Variants in SFMBT2 observed in about 807,000 individuals in gnomAD.
SFMBT2 encodes scm-like with four MBT domains protein 2.
SFMBT2 carries 38 observed loss-of-function variants against 110.1 expected under a neutral mutation model. The ratio of observed to expected loss-of-function variants is 0.35; its 90% CI spans 0.27 to 0.45. The LOEUF (loss-of-function observed/expected upper bound fraction) is 0.45. Ranked by LOEUF, SFMBT2 falls within the 20% of genes least tolerant of loss-of-function variation. The pLI is 1.00. For synonymous variants in SFMBT2, 425 were observed against 425.4 expected (o/e 1.00, Z 0.01); for missense variants, 1,011 against 1,094.9 (o/e 0.92, Z 1.08).
In SFMBT2 at chr10:7,248,571, T is replaced by A; in HGVS notation, c.949A>T (p.Ile317Phe). The change falls in exon 8 of 21, where the codon ATC becomes TTC. Residue 317 changes from isoleucine to phenylalanine, a missense_variant. Around this residue, in one of 2 missense-constraint regions of SFMBT2, gnomAD observed 979 missense variants for 1,016.1 expected, o/e 0.96. Transcript: ENST00000397167. ...ETVNMCEPFY[I>F]SPASVTKVFN... ...ACCTTAGTCACCGACGCAGGAGAGA[T>A]GTAAAAGGGCTCGCACATATTCACT... 6.2e-7 allele frequency: 1 copy of A among 1,614,076 alleles called. No homozygotes were observed. Among genetic ancestry groups the A allele is most frequent in the Non-Finnish European group, 8.5e-7 (1 of 1,179,968 alleles).
At chr10:7,318,947 C>T (rs536825539) in intron 4 of SFMBT2, among the ~76,000 whole-genome samples, 7 of 152,270 alleles carry the variant, frequency 4.6e-5, no homozygotes, top group African/African-American at 1.7e-4. Context: ...CAGAGAGTGC[C>T]GCCTGTACAA....
chr10:7,233,034 TTCTC>T (rs1053496735), intron 9 of SFMBT2, among the ~76,000 whole-genome samples: 13 of 152,050 alleles, frequency 8.5e-5, no homozygotes, highest in Non-Finnish European at 1.2e-4. Context: ...CAGAAAAAAA[TTCTC>T]TCTCTAACAA....
At chr10:7,284,386 A>G (rs1842031154) in intron 5 of SFMBT2, 1 of 1,264,156 alleles carries the variant, frequency 7.9e-7, no homozygotes. Flanking sequence ...ACAAGTCAAT[A>G]GAAAATAACA....
chr10:7,172,736 G>A lies in SFMBT2; in HGVS notation c.1985-75C>T. 6 of 1,476,470 alleles carry A rather than the reference G, an allele frequency of 4.1e-6. No individual in the cohort carries two copies. The allele number at this position is 1,476,470 out of a possible 1,614,324, so 91.5% of individuals were successfully genotyped here. On this transcript the variant is annotated intron_variant, in intron 17 of 20. Transcript: ENST00000397167. This position sits in a 1 kb window ranked among gnomAD's most constrained non-coding sequence, Gnocchi z 4.6. ...CATGAACAGAGAGAGGAGAGAGAAA[G>A]AAGGGAAACGATTCTTTCATCTGAT...
At chr10:7,271,925 C>A (rs1311781021) in intron 7 of SFMBT2, among the ~76,000 whole-genome samples, 1 of 152,192 alleles carries the variant, frequency 6.6e-6, no homozygotes, top group East Asian at 1.9e-4. Context: ...TTATTTCCCA[C>A]CGGGTCCCTC....
chr10:7,233,159 T>C (rs985600404), intron 9 of SFMBT2, among the ~76,000 whole-genome samples: 1 of 152,204 alleles, frequency 6.6e-6, no homozygotes, highest in Non-Finnish European at 1.5e-5. Context: ...GTTTGCTATC[T>C]ACCTGGCTGG....
At chr10:7,320,838 G>A (rs1843163094) in intron 4 of SFMBT2, among the ~76,000 whole-genome samples, 2 of 152,128 alleles carry the variant, frequency 1.3e-5, no homozygotes, top group Non-Finnish European at 1.5e-5. Flanking sequence ...TACTGACTCT[G>A]TAGCTCTAAA....
intron 11 of SFMBT2, chr10:7,206,352 A>G: frequency 1.0e-6 from 1 of 985,462 alleles, no homozygotes; most frequent in Non-Finnish European, 1.2e-6. Flanking sequence ...CCCACATCTA[A>G]GCCTTCATGA....
At chr10:7,200,307 A>T in intron 14 of SFMBT2, 107 bp downstream of exon 14, 1 of 849,390 alleles carries the variant, frequency 1.2e-6, no homozygotes, top group Non-Finnish European at 1.7e-6. Flanking sequence ...AAAACAGAAT[A>T]GGCTCAACGT....
chr10:7,290,919 G>C (rs774766080), intron 4 of SFMBT2, among the ~76,000 whole-genome samples: 1 of 152,184 alleles, frequency 6.6e-6, no homozygotes, highest in Non-Finnish European at 1.5e-5. Context: ...TTCAGAATTT[G>C]GGAAAATACC....
At chr10:7,281,802 T>C (rs1178113372) in intron 6 of SFMBT2, among the ~76,000 whole-genome samples, 1 of 152,198 alleles carries the variant, frequency 6.6e-6, no homozygotes, top group Non-Finnish European at 1.5e-5. Context: ...GATTTAAATA[T>C]CGGGGAAGTA....
intron 4 of SFMBT2, among the ~76,000 whole-genome samples, chr10:7,331,584 C>T (rs953024054): frequency 2.0e-5 from 3 of 152,178 alleles, no homozygotes; most frequent in African/African-American, 7.2e-5. Flanking sequence ...CCCACCACTG[C>T]CGCCCTGTCC....
Position 7,171,744 on chromosome 10 carries a change from A to G in SFMBT2, c.2415+151T>C. ...CCCCTCCACCCAGAGGTGAAGTGCC[A>G]GCCTTTGTTCCTGACTTGGGAACTA... On this transcript the variant is annotated intron_variant, in intron 19 of 20. Coordinates refer to ENST00000397167, the MANE Select transcript of SFMBT2 (RefSeq NM_001387889.1). This position sits in a 1 kb window ranked among gnomAD's most constrained non-coding sequence, Gnocchi z 4.9. 1.0e-6 allele frequency: 1 copy of G among 982,858 alleles called. No homozygotes were observed. Among genetic ancestry groups the G allele is most frequent in the Non-Finnish European group, 1.3e-6 (1 of 744,728 alleles). The allele number at this position is 982,858 out of a possible 1,614,324, so 60.9% of individuals were successfully genotyped here.
chr10:7,205,343 G>C, intron 12 of SFMBT2: 1 of 930,836 alleles, frequency 1.1e-6, no homozygotes, highest in Non-Finnish European at 1.3e-6. Context: ...CTCCTGCCTT[G>C]GCCTCCCAAA....
intron 4 of SFMBT2, among the ~76,000 whole-genome samples, chr10:7,310,048 C>T (rs1467653751): frequency 6.6e-6 from 1 of 152,190 alleles, no homozygotes; most frequent in Non-Finnish European, 1.5e-5. Flanking sequence ...GCCAATAATA[C>T]TGCCTCCAGT....
intron 4 of SFMBT2, among the ~76,000 whole-genome samples, chr10:7,333,352 T>C (rs1221028089): frequency 6.6e-6 from 1 of 151,802 alleles, no homozygotes; most frequent in Non-Finnish European, 1.5e-5. Flanking sequence ...TACAGGCACC[T>C]AGTAAATATC....
intron 13 of SFMBT2, 133 bp downstream of exon 13, chr10:7,202,347 G>C: frequency 8.8e-7 from 1 of 1,140,874 alleles, no homozygotes; most frequent in Non-Finnish European, 1.3e-6. Flanking sequence ...CAGTCACTAT[G>C]TTTTACTGCT....
At chr10:7,391,410 G>C (rs944296355) in intron 1 of SFMBT2, among the ~76,000 whole-genome samples, 1 of 150,634 alleles carries the variant, frequency 6.6e-6, no homozygotes, top group Non-Finnish European at 1.5e-5. Flanking sequence ...AGGTTGTGGT[G>C]AGCCAAGATA....
At chr10:7,314,794 G>T (rs1842939442) in intron 4 of SFMBT2, among the ~76,000 whole-genome samples, 1 of 151,936 alleles carries the variant, frequency 6.6e-6, no homozygotes, top group South Asian at 2.1e-4. Flanking sequence ...AGTATTCCCA[G>T]CTACCTGGGA....
Sources: gnomAD v4.1 joint callset for allele counts (sites outside exome capture counted in the v4.1 genomes callset) on GRCh38, gnomAD v4.1.1 for gene constraint, gnomAD v4.1.1 regional missense constraint, Gnocchi (gnomAD v3.1) non-coding constraint, MANE v1.5 for transcripts, NCBI Gene and HGNC (gene_info 2026-07-23, HGNC 2026-07-21) for gene names.